RBM33: variants seen among roughly 807,000 people sequenced by gnomAD.
RBM33 encodes the protein RNA-binding protein 33.
RBM33 carries 28 observed loss-of-function variants against 132.6 expected under a neutral mutation model. The observed-to-expected ratio is 0.21, with a 90% confidence interval of 0.16 to 0.29. The LOEUF (loss-of-function observed/expected upper bound fraction) is 0.29, where lower values mean the gene tolerates loss of function less well. Among genes scored for constraint, RBM33 ranks in the 10% least tolerant of loss-of-function variants. The pLI is 1.00. For synonymous variants in RBM33, 634 were observed against 593.0 expected (o/e 1.07, Z -1.01); for missense variants, 1,291 against 1,518.5 (o/e 0.85, Z 2.49).
chr7:155,731,305 G>A (rs1254211653), intron 9 of RBM33, among the ~76,000 whole-genome samples: 5 of 152,342 alleles, frequency 3.3e-5, no homozygotes, highest in Admixed American at 2.6e-4. Context: ...TCCGAGGGGC[G>A]TGTACTGGAA....
At chr7:155,772,008 A>G (rs77048141) in intron 16 of RBM33, among the ~76,000 whole-genome samples, 73 of 152,322 alleles carry the variant, frequency 4.8e-4, no homozygotes, top group Non-Finnish European at 6.5e-4. Flanking sequence ...TTGTTTTATG[A>G]TATATGAAAT....
chr7:155,752,962 T>G (rs1197422769), intron 14 of RBM33, among the ~76,000 whole-genome samples: 1 of 151,998 alleles, frequency 6.6e-6, no homozygotes, highest in Non-Finnish European at 1.5e-5. Flanking sequence ...CTGAGTGGGG[T>G]TTTGGTCTTT....
At position 155,775,199 on chromosome 7, in the gene RBM33, C is replaced by G. The variant is rs1394464013; in HGVS notation, c.*158C>G. The G allele has an allele frequency of 1.4e-6, 1 of 728,984 alleles. No individual in the cohort carries two copies. Among genetic ancestry groups the G allele is most frequent in the Non-Finnish European group, 2.5e-6 (1 of 399,432 alleles). 45.2% of individuals were successfully genotyped at this position (728,984 alleles called of 1,614,324 possible). A position where few individuals can be genotyped will look rare whatever the true frequency, so the allele number is the denominator to read the frequency against. On this transcript the variant is annotated 3_prime_UTR_variant, in exon 18 of 18. Transcript: ENST00000401878. Reference sequence around the variant, plus strand: ...GCGCCAGCCAGCCACGGGCCTGATTCCAGAGGAGCCGAACTGACAGGACAC... The same window carrying G: ...GCGCCAGCCAGCCACGGGCCTGATTGCAGAGGAGCCGAACTGACAGGACAC...
intron 1 of RBM33, among the ~76,000 whole-genome samples, chr7:155,651,318 T>G (rs1430885617): frequency 6.6e-6 from 1 of 152,142 alleles, no homozygotes; most frequent in African/African-American, 2.4e-5. Context: ...TTTTGTAAGA[T>G]TTTTGGCGGT....
chr7:155,650,346 C>T (rs753194437), intron 1 of RBM33, among the ~76,000 whole-genome samples: 14 of 152,200 alleles, frequency 9.2e-5, no homozygotes, highest in Non-Finnish European at 1.5e-4. Context: ...AGCTGTGAAA[C>T]GCTTTCTCTG....
At chr7:155,722,998 T>G (rs1800671907) in intron 9 of RBM33, among the ~76,000 whole-genome samples, 1 of 152,250 alleles carries the variant, frequency 6.6e-6, no homozygotes. Flanking sequence ...TGAATGCATC[T>G]TCTTAACAAT....
In RBM33 at chr7:155,766,577, G is replaced by C. The variant is rs1474305373; in HGVS notation, c.3297G>C (p.Val1099=). The change falls in exon 16 of 18, where the codon GTG becomes GTC. Residue 1099 remains valine (V), a synonymous_variant. Transcript: ENST00000401878. ...RVVECKPQPC[V]VSVEGLSSST... The stretch of plus-strand genomic sequence containing the variant: ...TGGAGTGCAAGCCCCAGCCCTGCGT[G>C]GTGTCTGTGGAGGGGCTGTCCTCGT... 5 of 1,613,140 alleles carry C rather than the reference G, an allele frequency of 3.1e-6. No individual in the cohort carries two copies. Among genetic ancestry groups the C allele is most frequent in the Non-Finnish European group, 4.2e-6 (5 of 1,179,614 alleles).
At position 155,777,048 on chromosome 7, in the gene RBM33, C is replaced by A. The variant is rs1253301201; in HGVS notation, c.*2007C>A. 6.8e-6 allele frequency: 1 copy of A among 146,020 alleles called. No homozygotes were observed. Among genetic ancestry groups the A allele is most frequent in the Non-Finnish European group, 1.5e-5 (1 of 65,794 alleles). 9.0% of individuals were successfully genotyped at this position (146,020 alleles called of 1,614,324 possible). A position where few individuals can be genotyped will look rare whatever the true frequency, so the allele number is the denominator to read the frequency against. Reference sequence around the variant, plus strand: ...TGATACAATGAAATGAGTTTCATGACTTTTTTTTTTTTTAAACACTTTTTG... The same window carrying A: ...TGATACAATGAAATGAGTTTCATGAATTTTTTTTTTTTTAAACACTTTTTG... On this transcript the variant is annotated 3_prime_UTR_variant, in exon 18 of 18. Coordinates refer to ENST00000401878, the MANE Select transcript of RBM33 (RefSeq NM_053043.3).
At chr7:155,652,113 A>G (rs773444945) in intron 1 of RBM33, among the ~76,000 whole-genome samples, 1 of 152,210 alleles carries the variant, frequency 6.6e-6, no homozygotes, top group Non-Finnish European at 1.5e-5. Context: ...TCATCTATAA[A>G]ATAAGGAATT....
At chr7:155,647,822 T>C (rs1015015969) in intron 1 of RBM33, among the ~76,000 whole-genome samples, 4 of 152,226 alleles carry the variant, frequency 2.6e-5, no homozygotes, top group South Asian at 2.1e-4. Flanking sequence ...ACAACTGTTA[T>C]TTATTGGAGA....
At chr7:155,718,261 A>G (rs914582265) in intron 8 of RBM33, 124 bp from the exon 9 acceptor site, 1 of 675,628 alleles carries the variant, frequency 1.5e-6, no homozygotes, top group Non-Finnish European at 2.6e-6. Flanking sequence ...GCTTAAGCGT[A>G]AGCACAATGT....
intron 8 of RBM33, among the ~76,000 whole-genome samples, chr7:155,714,461 A>C (rs1464667992): frequency 1.3e-5 from 2 of 152,286 alleles, no homozygotes; most frequent in East Asian, 3.9e-4. Context: ...CACGGATCTG[A>C]GGCAGGGCAC....
rs751059146 is a variant in RBM33, at chr7:155,711,267, CGCAGCCGCT to C, written c.1025_1033del (p.Gln342_Leu344del). ...CAGCCGATCAGAAGCCTGTTCCAGCCGCAGCCGCTGCAGCCGCTGCTTCCGGTGCAGCAC... is the reference window on the plus strand; with the variant it reads ...CAGCCGATCAGAAGCCTGTTCCAGCCGCAGCCGCTGCTTCCGGTGCAGCAC... On this transcript the variant is annotated inframe_deletion, in exon 8 of 18. Transcript: ENST00000401878. The C allele has an allele frequency of 1.2e-4, 192 of 1,603,150 alleles. 2 individuals are homozygous for C. The Middle Eastern group carries it at 2.3e-3, about 19-fold the overall frequency.
chr7:155,674,984 T>A (rs558408302), intron 3 of RBM33, among the ~76,000 whole-genome samples: 1 of 152,338 alleles, frequency 6.6e-6, no homozygotes, highest in South Asian at 2.1e-4. Flanking sequence ...CATCTGTCTT[T>A]TATTCTTTTC....
intron 3 of RBM33, 75 bp downstream of exon 3, chr7:155,672,990 T>C (rs1798986634): frequency 5.1e-6 from 5 of 986,470 alleles, no homozygotes; most frequent in Non-Finnish European, 7.3e-6. Context: ...TAATCACTTA[T>C]ACATGGGTTT....
At chr7:155,707,475 G>C (rs1183233672) in intron 7 of RBM33, 2 of 338,804 alleles carry the variant, frequency 5.9e-6, no homozygotes, top group East Asian at 1.7e-4. Flanking sequence ...CCTTTTTACT[G>C]TTTACCATAG....
Position 155,735,717 on chromosome 7 carries a change from CT to C in RBM33, c.1261-1812del, listed in dbSNP as rs1801102287. On this transcript the variant is annotated intron_variant, in intron 9 of 17. Transcript: ENST00000401878. The stretch of plus-strand genomic sequence containing the variant: ...TCTCTCTCTCTCTCTCTCTCTCTCT[CT>C]GTCTCTCTCTCTCTCTCTCTCTCCC... Among the ~76,000 whole-genome samples, 20 of 108,088 alleles carry C rather than the reference CT, an allele frequency of 1.9e-4. No individual in the cohort carries two copies. The East Asian group carries it at 2.0e-3, about 11-fold the overall frequency. 70.9% of individuals were successfully genotyped at this position (108,088 alleles called of 152,430 possible). A position where few individuals can be genotyped will look rare whatever the true frequency, so the allele number is the denominator to read the frequency against.
intron 7 of RBM33, 107 bp downstream of exon 7, chr7:155,707,175 G>A: frequency 1.0e-6 from 1 of 1,002,542 alleles, no homozygotes; most frequent in East Asian, 2.6e-5. Context: ...TGAAATGAAA[G>A]GTTAGTAGCA....
At chr7:155,753,413 G>A (rs1467195704) in intron 14 of RBM33, among the ~76,000 whole-genome samples, 1 of 152,248 alleles carries the variant, frequency 6.6e-6, no homozygotes, top group Non-Finnish European at 1.5e-5. Flanking sequence ...CCTTGTGAGT[G>A]TCATTCAGGG....
Sources: gnomAD v4.1 joint callset for allele counts (sites outside exome capture counted in the v4.1 genomes callset) on GRCh38, gnomAD v4.1.1 for gene constraint, MANE v1.5 for transcripts, NCBI Gene and HGNC (gene_info 2026-07-23, HGNC 2026-07-21) for gene names.